Variants in IKZF3 observed in about 807,000 individuals in gnomAD.
The protein encoded by IKZF3 is zinc finger protein Aiolos.
IKZF3 carries 10 observed loss-of-function variants against 49.0 expected under a neutral mutation model. The observed-to-expected ratio is 0.20, with a 90% CI of 0.13 to 0.35. IKZF3 has a LOEUF of 0.35. IKZF3 is among the 10% of genes least tolerant of loss of function. The probability of loss-of-function intolerance (pLI) is 1.00; values close to 1 mark genes in which losing one functional copy is unlikely to be tolerated. For synonymous variants in IKZF3, 209 were observed against 228.2 expected (o/e 0.92, Z 0.76); for missense variants, 498 against 664.8 (o/e 0.75, Z 2.76).
intron 7 of IKZF3, among the ~76,000 whole-genome samples, chr17:39,776,263 C>G (rs1328639759): frequency 6.6e-6 from 1 of 152,180 alleles, no homozygotes; most frequent in Non-Finnish European, 1.5e-5. Context: ...CAAACAAAAC[C>G]CATAACTTTC....
At chr17:39,834,965 A>C (rs1192246923) in intron 1 of IKZF3, 3 of 395,544 alleles carry the variant, frequency 7.6e-6, no homozygotes, top group African/African-American at 4.2e-5. Context: ...ATGGCCTTTC[A>C]CCTGGGCAGG....
In IKZF3 at chr17:39,761,533, G is replaced by A. The variant is rs187522416; in HGVS notation, c.*4257C>T. On this transcript the variant is annotated 3_prime_UTR_variant, in exon 8 of 8. Coordinates refer to ENST00000346872, the MANE Select transcript of IKZF3 (RefSeq NM_012481.5). ...GTTTGAGTCTGGCCTAGGCAACATA[G>A]TGAGACCCTGGTCCTCTAAAATATA... 1.3e-5 allele frequency: 2 copies of A among 151,586 alleles called. No individual in the cohort carries two copies. Among genetic ancestry groups the A allele is most frequent in the South Asian group, 4.1e-4 (2 of 4,824 alleles). The allele number at this position is 151,586 out of a possible 1,614,324, so 9.4% of individuals were successfully genotyped here. A position where few individuals can be genotyped will look rare whatever the true frequency, so the allele number is the denominator to read the frequency against.
intron 1 of IKZF3, among the ~76,000 whole-genome samples, chr17:39,841,208 G>A (rs2062456793): frequency 6.6e-6 from 1 of 151,930 alleles, no homozygotes; most frequent in African/African-American, 2.4e-5. Flanking sequence ...TCCACATGGA[G>A]GGACAGACAG....
intron 1 of IKZF3, chr17:39,839,662 C>CAA (rs2062407901): frequency 6.1e-6 from 2 of 326,204 alleles, no homozygotes; most frequent in Admixed American, 9.5e-5. Flanking sequence ...GAGCCCTCTT[C>CAA]ATCCCAGGCT....
At chr17:39,817,059 T>G (rs968237078) in intron 3 of IKZF3, among the ~76,000 whole-genome samples, 9 of 152,204 alleles carry the variant, frequency 5.9e-5, no homozygotes, top group Admixed American at 3.9e-4. Flanking sequence ...TTTTGTTTTG[T>G]TTTCCAAACT....
chr17:39,766,514 G>A, intron 7 of IKZF3, 21 bp from the exon 8 acceptor site: 3 of 1,569,922 alleles, frequency 1.9e-6, no homozygotes, highest in South Asian at 2.3e-5. Context: ...TGACAGAAAG[G>A]GTTACAAAGG....
intron 4 of IKZF3, 63 bp downstream of exon 4, chr17:39,792,610 T>A: frequency 1.3e-6 from 2 of 1,534,090 alleles, no homozygotes; most frequent in Non-Finnish European, 1.8e-6. Flanking sequence ...ATTCCACCAC[T>A]TCATTTCTCA....
rs558384580 is a variant in IKZF3, at chr17:39,772,730, C to T, written c.826+4921G>A. On this transcript the variant is annotated intron_variant, in intron 7 of 7. Transcript: ENST00000346872. Reference sequence around the variant, plus strand: ...AAGTGCTGTGTGGATGTCATCTGTTCTCATGGAGTCACCAGGGAAGACTGT... The same window carrying T: ...AAGTGCTGTGTGGATGTCATCTGTTTTCATGGAGTCACCAGGGAAGACTGT... 1.7e-3 allele frequency among the ~76,000 whole-genome samples: 255 copies of T among 152,296 alleles called. 1 individual carries two copies. The highest frequency in any genetic ancestry group is 5.9e-3 in the African/African-American group (244 of 41,550).
In IKZF3 at chr17:39,811,879, C is replaced by A. The variant is rs150641177; in HGVS notation, c.163+17508G>T. On this transcript the variant is annotated intron_variant, in intron 3 of 7. Transcript: ENST00000346872. ...CATGTCTTTGGGACACAATCAAGTACAATAACACCCTGCCACAATACAATG... is the reference window on the plus strand; with the variant it reads ...CATGTCTTTGGGACACAATCAAGTAAAATAACACCCTGCCACAATACAATG... Among the ~76,000 whole-genome samples the A allele has an allele frequency of 2.4e-3, 362 of 152,262 alleles. 1 individual carries two copies. Among genetic ancestry groups the A allele is most frequent in the African/African-American group, 8.4e-3 (350 of 41,548 alleles).
At chr17:39,860,893 G>A (rs1157041624) in intron 1 of IKZF3, among the ~76,000 whole-genome samples, 2 of 152,164 alleles carry the variant, frequency 1.3e-5, no homozygotes, top group Non-Finnish European at 2.9e-5. Flanking sequence ...TTGGCTTTAA[G>A]TGACAGTCTA....
At position 39,766,311 on chromosome 17, in the gene IKZF3, C is replaced by T; in HGVS notation, c.1009G>A (p.Val337Ile). The change falls in exon 8 of 8, where the codon GTT becomes ATT. Residue 337 changes from valine (V) to isoleucine (I), a missense_variant. By Grantham distance (29) the Val-to-Ile change is conservative (BLOSUM62 3). Transcript: ENST00000346872. ...GCTATGGGATACATGCTGCTGATAA[C>T]TGGAACCATCTCCGAGGTGGGAGCA... ...PPAPTSEMVP[V>I]ISSMYPIALT... 6.2e-7 allele frequency: 1 copy of T among 1,614,186 alleles called. No individual in the cohort carries two copies. Among genetic ancestry groups the T allele is most frequent in the Non-Finnish European group, 8.5e-7 (1 of 1,180,034 alleles).
rs758154152 is a variant in IKZF3 at position 39,759,415 on chromosome 17, CTT to C, written c.*6373_*6374del. The C allele has an allele frequency of 1.4e-4, 21 of 151,574 alleles. No homozygotes were observed. In the East Asian group the frequency reaches 4.1e-3, roughly 29 times the overall value. 9.4% of individuals were successfully genotyped at this position (151,574 alleles called of 1,614,324 possible). On this transcript the variant is annotated 3_prime_UTR_variant, in exon 8 of 8. Transcript: ENST00000346872. ...CTCAGCCTGGGGAAACAGAGCGAGA[CTT>C]TGTCTCAAAAAGAAAAAAAAAAAGA...
intron 3 of IKZF3, among the ~76,000 whole-genome samples, chr17:39,803,639 G>C (rs1031436845): frequency 6.6e-6 from 1 of 151,792 alleles, no homozygotes; most frequent in Non-Finnish European, 1.5e-5. Context: ...TCAGCCTCCG[G>C]AGTAGCTGGG....
chr17:39,860,988 T>C (rs1340108101), intron 1 of IKZF3, among the ~76,000 whole-genome samples: 1 of 152,194 alleles, frequency 6.6e-6, no homozygotes, highest in East Asian at 1.9e-4. Context: ...TACTGAGCTT[T>C]ATCAAAGAAT....
chr17:39,834,942 G>A (rs977201048), intron 1 of IKZF3: 4 of 373,410 alleles, frequency 1.1e-5, no homozygotes, highest in African/African-American at 6.4e-5. Context: ...GGGGTAGGCT[G>A]GGAGGGGCTG....
rs143357562 is a variant in IKZF3, at chr17:39,798,767, A to G, written c.164-5834T>C. ...TGATCCGCCGGCCTCGGCCTCCCAAAGTGCTGGGATTACAGGCATGAGCCA... is the reference window on the plus strand; with the variant it reads ...TGATCCGCCGGCCTCGGCCTCCCAAGGTGCTGGGATTACAGGCATGAGCCA... On this transcript the variant is annotated intron_variant, in intron 3 of 7. Coordinates refer to ENST00000346872, the MANE Select transcript of IKZF3 (RefSeq NM_012481.5). 3.7e-3 allele frequency among the ~76,000 whole-genome samples: 565 copies of G among 152,244 alleles called. 5 individuals are homozygous for G. The highest frequency in any genetic ancestry group is 0.013 in the African/African-American group (527 of 41,536).
chr17:39,800,281 T>C (rs571296462), intron 3 of IKZF3, among the ~76,000 whole-genome samples: 116 of 152,352 alleles, frequency 7.6e-4, no homozygotes, highest in African/African-American at 2.6e-3. Context: ...AGAAGCCTCA[T>C]AGACACTGGT....
intron 3 of IKZF3, among the ~76,000 whole-genome samples, chr17:39,823,733 C>T (rs62066986): frequency 0.04 from 6,071 of 152,298 alleles, 175 homozygotes; most frequent in Non-Finnish European, 0.062. Flanking sequence ...AAGCCCCAAG[C>T]CTTGGCAGCT....
At position 39,777,711 on chromosome 17, in the gene IKZF3, G is replaced by C; in HGVS notation, c.766C>G (p.Leu256Val). ...GCCACATTGCTTGCTAATCTGTCCA[G>C]TACGAGAGCTCTTTCACTTCCCATC... Reference protein sequence around the residue: ...AEMGSERALVLDRLASNVAKR... With the variant: ...AEMGSERALVVDRLASNVAKR... Residue 256 changes from leucine (L) to valine (V), a missense_variant, in exon 7 of 8, where the codon CTG becomes GTG. Around this residue, in one of 3 missense-constraint regions of IKZF3, gnomAD observed 317 missense variants for 397.3 expected, o/e 0.80. Coordinates refer to ENST00000346872, the MANE Select transcript of IKZF3 (RefSeq NM_012481.5). 2 of 1,613,928 alleles carry C rather than the reference G, an allele frequency of 1.2e-6. No individual in the cohort carries two copies. Among genetic ancestry groups the C allele is most frequent in the Non-Finnish European group, 1.7e-6 (2 of 1,179,948 alleles).
Sources: allele counts gnomAD v4.1 joint callset (sites outside exome capture counted in the v4.1 genomes callset), GRCh38; gene constraint gnomAD v4.1.1; regional missense constraint gnomAD v4.1.1; transcripts MANE v1.5; gene names NCBI Gene and HGNC (gene_info 2026-07-23, HGNC 2026-07-21).